The following CCDC15 variants were observed in gnomAD, a reference collection of about 807,000 sequenced individuals.
CCDC15 encodes coiled-coil domain containing 15, also known as coiled-coil domain-containing protein 15.
A neutral mutation model predicts 114.5 loss-of-function variants in CCDC15; 105 were observed. The ratio of observed to expected loss-of-function variants is 0.92; its 90% confidence interval spans 0.78 to 1.08. CCDC15 has a LOEUF of 1.08. Ranked by LOEUF, CCDC15 falls within the 50% of genes least tolerant of loss-of-function variation. CCDC15 has a pLI of 0.00. For missense variants in CCDC15, 1,105 were observed against 1,093.6 expected, an observed-to-expected ratio of 1.01 and a Z score of -0.15; for synonymous variants, 334 against 377.8, an observed-to-expected ratio of 0.88 and a Z score of 1.34.
At position 124,988,098 on chromosome 11, in the gene CCDC15, C is replaced by G. The variant is rs758469275; in HGVS notation, c.1872C>G (p.Pro624=). ...HVLSNDQNIL[P]KCQDQDFLPK... ...TCTCCAACGACCAGAATATTCTACCCAAATGTCAGGACCAAGATTTTCTAC... is the reference window on the plus strand; with the variant it reads ...TCTCCAACGACCAGAATATTCTACCGAAATGTCAGGACCAAGATTTTCTAC... The change falls in exon 8 of 16, where the codon CCC becomes CCG. Residue 624 remains proline (P), a synonymous_variant. Coordinates refer to ENST00000344762, the MANE Select transcript of CCDC15 (RefSeq NM_025004.3). The G allele has an allele frequency of 1.9e-5, 30 of 1,613,280 alleles. No individual in the cohort carries two copies. The highest frequency in any genetic ancestry group is 2.4e-5 in the Non-Finnish European group (28 of 1,179,706).
At chr11:125,005,730 A>G (rs917659301) in intron 13 of CCDC15, among the ~76,000 whole-genome samples, 1 of 152,000 alleles carries the variant, frequency 6.6e-6, no homozygotes, top group Non-Finnish European at 1.5e-5. Flanking sequence ...TTTACACCCT[A>G]TCCTGTGGTA....
chr11:124,985,240 C>G (rs1435480329), intron 6 of CCDC15, among the ~76,000 whole-genome samples: 1 of 152,098 alleles, frequency 6.6e-6, no homozygotes, highest in East Asian at 1.9e-4. Flanking sequence ...TTTGGTTTAT[C>G]CATTTATCAG....
chr11:124,975,895 C>T (rs906184340), intron 5 of CCDC15, among the ~76,000 whole-genome samples: 21 of 138,832 alleles, frequency 1.5e-4, no homozygotes, highest in Non-Finnish European at 2.7e-4. Flanking sequence ...TCTTTTGATT[C>T]AAAACTTAAG....
chr11:125,030,808 G>A (rs1355715730), intron 13 of CCDC15, among the ~76,000 whole-genome samples: 1 of 152,166 alleles, frequency 6.6e-6, no homozygotes, highest in Non-Finnish European at 1.5e-5. Context: ...TGGGCCCATT[G>A]GGTGATGATA....
chr11:125,027,717 T>TGTA (rs1173182860), intron 13 of CCDC15, among the ~76,000 whole-genome samples: 2 of 152,316 alleles, frequency 1.3e-5, no homozygotes, highest in Non-Finnish European at 2.9e-5. Context: ...TCTTTTGCCG[T>TGTA]GTAGAATCTT....
intron 4 of CCDC15, among the ~76,000 whole-genome samples, chr11:124,961,065 T>C (rs1947650222): frequency 6.6e-6 from 1 of 152,250 alleles, no homozygotes; most frequent in Admixed American, 6.5e-5. Flanking sequence ...TTCTTGTCAT[T>C]GTTCAGTTTG....
chr11:125,012,164 C>A lies in CCDC15; in HGVS notation c.2411+6952C>A, dbSNP rs114775501. On this transcript the variant is annotated intron_variant, in intron 13 of 15. Transcript: ENST00000344762. ...CCTTGGAAAGTTTGAGTAAAGAATT[C>A]CAGGGGCCTGGGTACCTGGAGCAGA... Among the ~76,000 whole-genome samples, 926 of 152,240 alleles carry A rather than the reference C, an allele frequency of 6.1e-3. 12 individuals carry two copies. Among genetic ancestry groups the A allele is most frequent in the African/African-American group, 0.021 (884 of 41,536 alleles).
At position 124,959,232 on chromosome 11, in the gene CCDC15, A is replaced by T; in HGVS notation, c.295A>T (p.Lys99Ter). The change falls in exon 3 of 16, where the codon AAA becomes TAA. Residue 99 changes from lysine to a stop codon, truncating the protein, a stop_gained. Coordinates refer to ENST00000344762, the MANE Select transcript of CCDC15 (RefSeq NM_025004.3). LOFTEE classifies it high-confidence loss of function. ...AGTAAATCAACAAATTAGGTTGAGA[A>T]AAAAGCAACAGCTTCAGAAGTCTTA... Reference protein sequence around the residue: ...YRVNQQIRLRKKQQLQKSYER... With the variant: ...YRVNQQIRLR 1.3e-6 allele frequency: 2 copies of T among 1,582,208 alleles called. No individual in the cohort carries two copies. Among genetic ancestry groups the T allele is most frequent in the Non-Finnish European group, 1.7e-6 (2 of 1,169,304 alleles).
intron 11 of CCDC15, among the ~76,000 whole-genome samples, chr11:125,002,630 C>T (rs902814217): frequency 2.0e-5 from 3 of 152,042 alleles, no homozygotes; most frequent in South Asian, 2.1e-4. Flanking sequence ...ACCTGTGTCC[C>T]AGAATCATTT....
Position 124,994,793 on chromosome 11 carries a change from C to T in CCDC15, c.2214+1550C>T, listed in dbSNP as rs111999212. Among the ~76,000 whole-genome samples, 72 of 152,274 alleles carry T rather than the reference C, an allele frequency of 4.7e-4. 1 individual carries two copies. Among genetic ancestry groups the T allele is most frequent in the East Asian group, 3.9e-3 (20 of 5,184 alleles). On this transcript the variant is annotated intron_variant, in intron 11 of 15. Transcript: ENST00000344762. Reference sequence around the variant, plus strand: ...ACATCCTGGCCTACTAAGATTTTTCCGTGGCTTAACTGAAGTTTAGTTTAT... The same window carrying T: ...ACATCCTGGCCTACTAAGATTTTTCTGTGGCTTAACTGAAGTTTAGTTTAT...
chr11:125,000,609 T>C (rs952581121), intron 11 of CCDC15, among the ~76,000 whole-genome samples: 8 of 152,246 alleles, frequency 5.3e-5, no homozygotes, highest in African/African-American at 9.6e-5. Flanking sequence ...AGTAATTTCA[T>C]TTTTATTGTA....
At position 124,986,700 on chromosome 11, in the gene CCDC15, T is replaced by TGTGTGCGCGC. The variant is rs878887902; in HGVS notation, c.754-41_754-40insTGTGCGCGCG. On this transcript the variant is annotated intron_variant, in intron 6 of 15. Coordinates refer to ENST00000344762, the MANE Select transcript of CCDC15 (RefSeq NM_025004.3). ...GTGTGTGTGTGTGTGTTTGTGTGTG[T>TGTGTGCGCGC]GCGCGCGCGCGCGTGCGCGTTTTCA... 1.4e-4 allele frequency: 185 copies of TGTGTGCGCGC among 1,352,932 alleles called. 1 individual carries two copies. In the African/African-American group the frequency reaches 1.7e-3, roughly 12 times the overall value. 83.8% of individuals were successfully genotyped at this position (1,352,932 alleles called of 1,614,324 possible).
intron 13 of CCDC15, among the ~76,000 whole-genome samples, chr11:125,016,082 G>A (rs1948627517): frequency 6.6e-6 from 1 of 152,086 alleles, no homozygotes; most frequent in Admixed American, 6.6e-5. Flanking sequence ...TATCTTTCCT[G>A]TATTTCTTAA....
chr11:125,017,961 TC>T, intron 13 of CCDC15, among the ~76,000 whole-genome samples: 1 of 151,894 alleles, frequency 6.6e-6, no homozygotes, highest in Non-Finnish European at 1.5e-5. Flanking sequence ...TATAAAAGAG[TC>T]AAGTAAAAAA....
chr11:124,976,784 T>C (rs1453419527), intron 5 of CCDC15, among the ~76,000 whole-genome samples: 3 of 152,158 alleles, frequency 2.0e-5, no homozygotes, highest in African/African-American at 7.2e-5. Flanking sequence ...AGATAACATC[T>C]TTGTATAAAC....
chr11:124,989,306 A>G (rs1400358906), intron 8 of CCDC15, among the ~76,000 whole-genome samples: 1 of 152,212 alleles, frequency 6.6e-6, no homozygotes, highest in Non-Finnish European at 1.5e-5. Context: ...AGTTGGTCTC[A>G]ACAGTAAGTG....
At chr11:125,024,044 G>T (rs1273084760) in intron 13 of CCDC15, among the ~76,000 whole-genome samples, 2 of 151,968 alleles carry the variant, frequency 1.3e-5, no homozygotes, top group Non-Finnish European at 2.9e-5. Context: ...CATTATGGTG[G>T]TGGGGAAATT....
chr11:124,970,813 C>T (rs1947864896), intron 4 of CCDC15, among the ~76,000 whole-genome samples: 1 of 152,140 alleles, frequency 6.6e-6, no homozygotes, highest in South Asian at 2.1e-4. Context: ...TTCATATTTG[C>T]TTGATGCTTT....
rs747566516 is a variant in CCDC15, at chr11:124,954,820, G to T, written c.88G>T (p.Ala30Ser). 8.1e-6 allele frequency: 13 copies of T among 1,613,914 alleles called. No homozygotes were observed. The Admixed American group carries it at 2.2e-4, about 27-fold the overall frequency. Residue 30 changes from alanine to serine, a missense_variant, in exon 2 of 16, where the codon GCA becomes TCA. Transcript: ENST00000344762. ...LNPLKSKDVL[A>S]VLAERNEAIV... ...CCCCCTGAAGAGCAAGGACGTGTTGGCAGTGCTGGCTGAGAGGAACGAGGC... is the reference window on the plus strand; with the variant it reads ...CCCCCTGAAGAGCAAGGACGTGTTGTCAGTGCTGGCTGAGAGGAACGAGGC...
Sources: allele counts gnomAD v4.1 joint callset (sites outside exome capture counted in the v4.1 genomes callset), GRCh38; gene constraint gnomAD v4.1.1; transcripts MANE v1.5; gene names NCBI Gene and HGNC (gene_info 2026-07-23, HGNC 2026-07-21).